Variants in INPP5B observed in about 807,000 individuals in gnomAD.
The protein encoded by INPP5B is inositol polyphosphate-5-phosphatase B, also known as type II inositol 1,4,5-trisphosphate 5-phosphatase.
Under a neutral mutation model 118.5 loss-of-function variants are expected in INPP5B, and 90 were observed. The observed-to-expected ratio is 0.76, with a 90% CI of 0.64 to 0.90. The LOEUF (loss-of-function observed/expected upper bound fraction) is 0.90, where lower values mean the gene tolerates loss of function less well. Among genes scored for constraint, INPP5B ranks in the 40% least tolerant of loss-of-function variants. INPP5B has a pLI of 0.00. For synonymous variants in INPP5B, 385 were observed against 418.9 expected, an observed-to-expected ratio of 0.92 and a Z score of 0.99; for missense variants, 984 against 1,125.6, an observed-to-expected ratio of 0.87 and a Z score of 1.80.
chr1:37,909,905 G>A (rs1040983734), intron 7 of INPP5B, among the ~76,000 whole-genome samples: 13 of 152,230 alleles, frequency 8.5e-5, no homozygotes, highest in African/African-American at 2.2e-4. Flanking sequence ...CTCCAGGACC[G>A]CCTCCCCAGG....
At chr1:37,883,051 A>T in intron 13 of INPP5B, 133 bp from the exon 14 acceptor site, 1 of 1,443,574 alleles carries the variant, frequency 6.9e-7, no homozygotes, top group Non-Finnish European at 9.1e-7. Context: ...AACTGTTCGG[A>T]AAATTTTTTT....
chr1:37,863,049 G>A (rs1454981916), intron 23 of INPP5B, among the ~76,000 whole-genome samples: 1 of 152,070 alleles, frequency 6.6e-6, no homozygotes, highest in African/African-American at 2.4e-5. Context: ...CCCAGGATGC[G>A]ATGAGGTTCC....
chr1:37,889,687 G>C lies in INPP5B; in HGVS notation c.667C>G (p.Arg223Gly). The change falls in exon 9 of 24, where the codon CGC (arginine) becomes GGC (glycine). Residue 223 changes from arginine to glycine, a missense_variant. Around this residue, in one of 2 missense-constraint regions of INPP5B, gnomAD observed 350 missense variants for 334.6 expected, o/e 1.05. Transcript: ENST00000373024. ...TCCGACACTGTGATAGTGGAGGAGC[G>C]AACCATGTCAGTAATTTCGGACTTG... is the stretch of plus-strand genomic sequence containing the variant. ...KSKSEITDMV[R>G]SSTITVSDKA... 3 of 1,612,722 alleles carry C rather than the reference G, an allele frequency of 1.9e-6. No homozygotes were observed. Among genetic ancestry groups the C allele is most frequent in the Non-Finnish European group, 2.5e-6 (3 of 1,179,512 alleles).
intron 18 of INPP5B, among the ~76,000 whole-genome samples, chr1:37,873,649 C>T (rs1370433192): frequency 2.0e-5 from 3 of 152,162 alleles, no homozygotes; most frequent in Non-Finnish European, 4.4e-5. Flanking sequence ...GATATAATTT[C>T]TGGATTACTT....
At chr1:37,880,731 C>G (rs1182117820) in intron 14 of INPP5B, among the ~76,000 whole-genome samples, 1 of 150,762 alleles carries the variant, frequency 6.6e-6, no homozygotes, top group African/African-American at 2.4e-5. Flanking sequence ...CAGCGCCTAG[C>G]CTAATGTTTT....
intron 6 of INPP5B, among the ~76,000 whole-genome samples, chr1:37,934,707 T>C (rs567094539): frequency 6.6e-6 from 1 of 152,308 alleles, no homozygotes; most frequent in South Asian, 2.1e-4. Flanking sequence ...AGAGTTTCTC[T>C]GCTGGTTACC....
intron 7 of INPP5B, among the ~76,000 whole-genome samples, chr1:37,897,645 C>G (rs1294710264): frequency 6.6e-6 from 1 of 151,426 alleles, no homozygotes; most frequent in Non-Finnish European, 1.5e-5. Context: ...CCTTTGTTCA[C>G]TTGTTTATCT....
chr1:37,946,383 G>A (rs1646113444), intron 1 of INPP5B, 49 bp from the exon 2 acceptor site: 2 of 1,436,704 alleles, frequency 1.4e-6, no homozygotes, highest in Non-Finnish European at 1.9e-6. Context: ...AGTTACGCAT[G>A]GGGTGGTGGA....
At chr1:37,900,730 G>C (rs1416588403) in intron 7 of INPP5B, among the ~76,000 whole-genome samples, 1 of 150,696 alleles carries the variant, frequency 6.6e-6, no homozygotes, top group Non-Finnish European at 1.5e-5. Flanking sequence ...CTGGGTTCAA[G>C]CAATTCTCAT....
At chr1:37,882,566 T>TGA (rs1643269850) in intron 14 of INPP5B, among the ~76,000 whole-genome samples, 3 of 151,966 alleles carry the variant, frequency 2.0e-5, no homozygotes, top group African/African-American at 7.3e-5. Flanking sequence ...AATGACAAGG[T>TGA]GAGAGAGAGA....
At chr1:37,877,662 G>A (rs967534505) in intron 16 of INPP5B, among the ~76,000 whole-genome samples, 23 of 152,150 alleles carry the variant, frequency 1.5e-4, no homozygotes, top group Middle Eastern at 3.4e-3. Flanking sequence ...TGTGAAGGGT[G>A]GTCACAACAG....
At chr1:37,924,771 T>C (rs543510951) in intron 7 of INPP5B, among the ~76,000 whole-genome samples, 13 of 152,080 alleles carry the variant, frequency 8.5e-5, no homozygotes, top group Non-Finnish European at 1.9e-4. Context: ...GCATGGTGGC[T>C]CACACCTGTA....
chr1:37,919,805 T>C (rs1644991578), intron 7 of INPP5B, among the ~76,000 whole-genome samples: 1 of 151,830 alleles, frequency 6.6e-6, no homozygotes, highest in Non-Finnish European at 1.5e-5. Context: ...TAGCCAGGCG[T>C]GGTGGCAGGC....
At chr1:37,940,497 C>T (rs1645871482) in intron 6 of INPP5B, among the ~76,000 whole-genome samples, 191 bp downstream of exon 6, 1 of 152,174 alleles carries the variant, frequency 6.6e-6, no homozygotes, top group African/African-American at 2.4e-5. Flanking sequence ...CACTCAACTC[C>T]AGAAACTGTA....
chr1:37,945,936 C>T, intron 2 of INPP5B, 86 bp from the exon 3 acceptor site: 1 of 1,241,746 alleles, frequency 8.1e-7, no homozygotes, highest in Non-Finnish European at 1.2e-6. Flanking sequence ...TTCCCCTGCC[C>T]CCCCAGATTC....
chr1:37,896,321 C>T (rs1299772846), intron 7 of INPP5B, among the ~76,000 whole-genome samples: 1 of 150,348 alleles, frequency 6.7e-6, no homozygotes, highest in African/African-American at 2.4e-5. Context: ...GCCTGGCAAC[C>T]GCCCCGTCTG....
At chr1:37,892,991 C>A (rs963118761) in intron 7 of INPP5B, among the ~76,000 whole-genome samples, 1 of 151,836 alleles carries the variant, frequency 6.6e-6, no homozygotes, top group African/African-American at 2.4e-5. Flanking sequence ...TGATCTTGGA[C>A]TTCTCAGCCT....
intron 19 of INPP5B, among the ~76,000 whole-genome samples, chr1:37,869,541 G>A (rs1048805222): frequency 6.6e-6 from 1 of 151,272 alleles, no homozygotes; most frequent in African/African-American, 2.4e-5. Flanking sequence ...GTGCAGTGGT[G>A]CGATCTCGGC....
intron 18 of INPP5B, 34 bp from the exon 19 acceptor site, chr1:37,873,199 G>A (rs1476226842): frequency 2.0e-6 from 3 of 1,492,306 alleles, no homozygotes; most frequent in African/African-American, 1.4e-5. Context: ...TGTTGGCCGG[G>A]GGCAGGCCAA....
Sources: gnomAD v4.1 joint callset for allele counts (sites outside exome capture counted in the v4.1 genomes callset) on GRCh38, gnomAD v4.1.1 for gene constraint, gnomAD v4.1.1 regional missense constraint, MANE v1.5 for transcripts, NCBI Gene and HGNC (gene_info 2026-07-23, HGNC 2026-07-21) for gene names.